BBS7: variants seen among roughly 807,000 people sequenced by gnomAD.
BBS7 encodes the protein BBSome complex member BBS7.
BBS7 carries 50 observed loss-of-function variants against 90.3 expected under a neutral mutation model. The ratio of observed to expected loss-of-function variants is 0.55; its 90% CI spans 0.44 to 0.70. The LOEUF (loss-of-function observed/expected upper bound fraction) is 0.70, where lower values mean the gene tolerates loss of function less well. BBS7 is among the 30% of genes least tolerant of loss of function. The pLI, the probability that BBS7 is intolerant of heterozygous loss-of-function variation, is 0.00. For missense variants in BBS7, 729 were observed against 838.9 expected (o/e 0.87, Z 1.62); for synonymous variants, 235 against 287.4 (o/e 0.82, Z 1.85).
rs559606088 is a variant in BBS7 at position 121,825,479 on chromosome 4, A to G, written c.*381T>C. 2.0e-4 allele frequency: 31 copies of G among 157,924 alleles called. No homozygotes were observed. The highest frequency in any genetic ancestry group is 5.6e-4 in the South Asian group (3 of 5,344). The allele number at this position is 157,924 out of a possible 1,614,324, so 9.8% of individuals were successfully genotyped here. The stretch of plus-strand genomic sequence containing the variant: ...TTGTGAAGATCAAATAAGGTAATAT[A>G]TAAAAATACATTTTGAAGCCTATAA... On this transcript the variant is annotated 3_prime_UTR_variant, in exon 19 of 19. Transcript: ENST00000264499.
chr4:121,854,692 T>C lies in BBS7; in HGVS notation c.718+12A>G, dbSNP rs774687060. 8.7e-6 allele frequency: 14 copies of C among 1,609,414 alleles called. No homozygotes were observed. In the East Asian group the frequency reaches 1.8e-4, roughly 21 times the overall value. On this transcript the variant is annotated intron_variant, in intron 7 of 18. Coordinates refer to ENST00000264499, the MANE Select transcript of BBS7 (RefSeq NM_176824.3). ...TTGACACCTCAGAATCTGAACTACA[T>C]GAAAAGCATACCTCCTCTCTTTTTC...
chr4:121,846,325 A>G (rs1418035976), intron 10 of BBS7, among the ~76,000 whole-genome samples: 1 of 152,174 alleles, frequency 6.6e-6, no homozygotes, highest in Non-Finnish European at 1.5e-5. Flanking sequence ...AGTCATTGGG[A>G]TAGAACAACA....
In BBS7 at chr4:121,847,440, A is replaced by C; in HGVS notation, c.1001T>G (p.Ile334Ser). The change falls in exon 10 of 19, where the codon ATT becomes AGT. Residue 334 changes from isoleucine to serine, a missense_variant. Transcript: ENST00000264499. ...KESGPGEELK[I>S]NQEMQNKISS... is the part of the protein sequence containing the mutation. ...AATTTTATTCTGCATCTCCTGATTA[A>C]TTTTTAGTTCTTCTCCTGGTCCACT... 8 of 1,613,730 alleles carry C rather than the reference A, an allele frequency of 5.0e-6. No individual in the cohort carries two copies. The highest frequency in any genetic ancestry group is 6.8e-6 in the Non-Finnish European group (8 of 1,179,786).
At chr4:121,843,156 T>C (rs1725829319) in intron 12 of BBS7, among the ~76,000 whole-genome samples, 1 of 152,038 alleles carries the variant, frequency 6.6e-6, no homozygotes. Flanking sequence ...AAGTTAGAGA[T>C]GTAATCAAGA....
chr4:121,847,565 T>C lies in BBS7; in HGVS notation c.935-59A>G. 5 of 1,222,818 alleles carry C rather than the reference T, an allele frequency of 4.1e-6. No homozygotes were observed. In the East Asian group the frequency reaches 7.0e-5, roughly 17 times the overall value. The allele number at this position is 1,222,818 out of a possible 1,614,324, so 75.7% of individuals were successfully genotyped here. The stretch of plus-strand genomic sequence containing the variant: ...GTACTGCTAGTGTTAAAAAGATAAA[T>C]TATGCATTGTATAGCAGAAACTCCA... On this transcript the variant is annotated intron_variant, in intron 9 of 18. Transcript: ENST00000264499.
chr4:121,865,367 T>C (rs1273795858), intron 2 of BBS7, among the ~76,000 whole-genome samples: 2 of 151,950 alleles, frequency 1.3e-5, no homozygotes, highest in Non-Finnish European at 2.9e-5. Flanking sequence ...GCCCCCCAAG[T>C]AGCTGGAATT....
chr4:121,849,446 C>T (rs1726190245), intron 8 of BBS7, among the ~76,000 whole-genome samples: 1 of 152,176 alleles, frequency 6.6e-6, no homozygotes, highest in Non-Finnish European at 1.5e-5. Context: ...AAGCAATCTG[C>T]CACCTTGGCC....
intron 1 of BBS7, 30 bp downstream of exon 1, chr4:121,870,248 C>A (rs925516727): frequency 1.2e-6 from 2 of 1,613,360 alleles, no homozygotes; most frequent in African/African-American, 1.3e-5. Context: ...GCTTGCCCAG[C>A]GCGGCGCCCG....
chr4:121,855,304 C>T (rs568955843), intron 6 of BBS7, 185 bp downstream of exon 6: 4 of 562,698 alleles, frequency 7.1e-6, no homozygotes, highest in South Asian at 3.5e-5. Flanking sequence ...TGAGACCCTG[C>T]CCCCCAGCCC....
At chr4:121,852,629 T>C (rs1346495820) in intron 8 of BBS7, among the ~76,000 whole-genome samples, 1 of 152,102 alleles carries the variant, frequency 6.6e-6, no homozygotes, top group Non-Finnish European at 1.5e-5. Flanking sequence ...AACAACAGAC[T>C]TACTTATATT....
chr4:121,843,915 A>G lies in BBS7; in HGVS notation c.1305+12T>C, dbSNP rs376754689. ...GAAAGCATGTGAAGAATTCTTTTAT[A>G]TTTTTACTCACCTCAGAATCACAGC... On this transcript the variant is annotated intron_variant, in intron 12 of 18. Transcript: ENST00000264499. The G allele has an allele frequency of 2.2e-5, 35 of 1,564,754 alleles. No individual in the cohort carries two copies. Among genetic ancestry groups the G allele is most frequent in the Middle Eastern group, 1.7e-4 (1 of 5,978 alleles).
intron 5 of BBS7, among the ~76,000 whole-genome samples, chr4:121,855,948 A>G (rs111437821): frequency 2.6e-3 from 120 of 45,366 alleles, no homozygotes; most frequent in African/African-American, 0.012. Context: ...ATGTATATGT[A>G]CATATATATG....
intron 5 of BBS7, among the ~76,000 whole-genome samples, chr4:121,855,791 CGTATATAT>C (rs1253679935): frequency 5.4e-5 from 8 of 147,672 alleles, no homozygotes; most frequent in Non-Finnish European, 7.4e-5. Flanking sequence ...TACATATATA[CGTATATAT>C]ACAGATATGT....
At chr4:121,867,046 C>A (rs986048813) in intron 2 of BBS7, among the ~76,000 whole-genome samples, 13 of 152,132 alleles carry the variant, frequency 8.5e-5, no homozygotes, top group Non-Finnish European at 1.9e-4. Context: ...AAAATTAATT[C>A]TTCCAATCCA....
Position 121,859,023 on chromosome 4 carries a change from G to T in BBS7, c.497C>A (p.Ala166Asp), listed in dbSNP as rs1341540567. ...ERLSRITPVL[A>D]CQDRVLRVLQ... is the part of the protein sequence containing the mutation. ...AACTCTGAGCACTCTGTCCTGGCAG[G>T]CCAATACAGGTGTGATACGAGATAA... Residue 166 changes from alanine to aspartate, a missense_variant, in exon 5 of 19, where the codon GCC becomes GAC. Ala to Asp is a moderately radical substitution (Grantham distance 126). Transcript: ENST00000264499. 1 of 1,613,746 alleles carries T rather than the reference G, an allele frequency of 6.2e-7. No individual in the cohort carries two copies. The highest frequency in any genetic ancestry group is 8.5e-7 in the Non-Finnish European group (1 of 1,179,844).
chr4:121,832,923 C>A (rs1244091847), intron 15 of BBS7, among the ~76,000 whole-genome samples: 3 of 151,806 alleles, frequency 2.0e-5, no homozygotes, highest in South Asian at 4.2e-4. Context: ...TAAGAATATT[C>A]CTACAGATTT....
At chr4:121,830,165 G>T (rs527435711) in intron 15 of BBS7, among the ~76,000 whole-genome samples, 6 of 152,188 alleles carry the variant, frequency 3.9e-5, no homozygotes, top group Non-Finnish European at 8.8e-5. Context: ...ACTTTGGGAG[G>T]CCAAGGCGGG....
At chr4:121,829,883 T>G (rs1444453097) in intron 15 of BBS7, among the ~76,000 whole-genome samples, 1 of 152,222 alleles carries the variant, frequency 6.6e-6, no homozygotes, top group African/African-American at 2.4e-5. Context: ...ATGACATCAA[T>G]TAAGCCACTG....
At position 121,839,649 on chromosome 4, in the gene BBS7, A is replaced by G. The variant is rs1320689868; in HGVS notation, c.1353T>C (p.Thr451=). The G allele has an allele frequency of 6.2e-7, 1 of 1,613,648 alleles. No homozygotes were observed. The highest frequency in any genetic ancestry group is 8.5e-7 in the Non-Finnish European group (1 of 1,179,600). ...TTTTTACCTTGAGTTCCAGCCTTGT[A>G]GTATCTGCCTGGCACCGATAAGTGG... The part of the protein sequence containing the change: ...LLATYRCQAD[T]TRLELKIRSI... Residue 451 remains threonine (T), a synonymous_variant, in exon 13 of 19, where the codon ACT becomes ACC. Transcript: ENST00000264499.
Sources: gnomAD v4.1 joint callset for allele counts (sites outside exome capture counted in the v4.1 genomes callset) on GRCh38, gnomAD v4.1.1 for gene constraint, MANE v1.5 for transcripts, NCBI Gene and HGNC (gene_info 2026-07-23, HGNC 2026-07-21) for gene names.